FBF1: variants seen among roughly 807,000 people sequenced by gnomAD.
The protein encoded by FBF1 is Fas binding factor 1.
FBF1 carries 119 observed loss-of-function variants against 147.2 expected under a neutral mutation model. The observed-to-expected ratio is 0.81, with a 90% CI of 0.70 to 0.94. FBF1 has a LOEUF of 0.94. FBF1 is among the 40% of genes least tolerant of loss of function. The pLI is 0.00. For synonymous variants in FBF1, 601 were observed against 609.0 expected, an observed-to-expected ratio of 0.99 and a Z score of 0.19; for missense variants, 1,449 against 1,500.8, an observed-to-expected ratio of 0.97 and a Z score of 0.57.
chr17:75,910,432 A>C lies in FBF1; in HGVS notation c.*291T>G, dbSNP rs185394184. 999 of 422,906 alleles carry C rather than the reference A, an allele frequency of 2.4e-3. 2 individuals carry two copies. The highest frequency in any genetic ancestry group is 5.4e-3 in the Middle Eastern group (8 of 1,474). 26.2% of individuals were successfully genotyped at this position (422,906 alleles called of 1,614,324 possible). The stretch of plus-strand genomic sequence containing the variant: ...GGGGGAGCCCACAGAGCCCAGTGAG[A>C]GCTGGGGGTCCTTGCTGCCAACTCA... On this transcript the variant is annotated 3_prime_UTR_variant, in exon 30 of 30. Transcript: ENST00000636174. This position sits in a 1 kb window ranked among gnomAD's most constrained non-coding sequence, Gnocchi z 4.1.
chr17:75,931,145 T>C, intron 6 of FBF1, 84 bp downstream of exon 6: 1 of 1,429,618 alleles, frequency 7.0e-7, no homozygotes, highest in Non-Finnish European at 9.6e-7. Context: ...TCTAAACCCT[T>C]CCGTGGGCAG....
At position 75,935,680 on chromosome 17, in the gene FBF1, C is replaced by A. The variant is rs180740491; in HGVS notation, c.32-7G>T. On this transcript the variant is annotated splice_region_variant and splice_polypyrimidine_tract_variant and intron_variant, in intron 3 of 29. Coordinates refer to ENST00000636174, the MANE Select transcript of FBF1 (RefSeq NM_001319193.2). ...AGAAAATCATCAATGGAGCCTGGAA[C>A]AGAAAAGGGACTGTCATGACTTCAG... 18 of 1,536,900 alleles carry A rather than the reference C, an allele frequency of 1.2e-5. No individual in the cohort carries two copies. Among genetic ancestry groups the A allele is most frequent in the Non-Finnish European group, 1.6e-5 (18 of 1,146,784 alleles).
At position 75,911,675 on chromosome 17, in the gene FBF1, C is replaced by T. The variant is rs566218078; in HGVS notation, c.3363+517G>A. Among the ~76,000 whole-genome samples the T allele has an allele frequency of 5.9e-5, 9 of 152,162 alleles. No individual in the cohort carries two copies. The South Asian group carries it at 1.0e-3, about 18-fold the overall frequency. ...CTGGGAGTACAGGTGTATGCCACCA[C>T]GCTCAGCTATTTTTTTGTGGAGACG... On this transcript the variant is annotated intron_variant, in intron 29 of 29. Transcript: ENST00000636174.
chr17:75,910,585 C>A lies in FBF1; in HGVS notation c.*138G>T. ...CACATTTGGAAAGGATGCACTTGCA[C>A]CCTGTCCACGGAAGAGCTGTCATCA... On this transcript the variant is annotated 3_prime_UTR_variant, in exon 30 of 30. Coordinates refer to ENST00000636174, the MANE Select transcript of FBF1 (RefSeq NM_001319193.2). This position sits in a 1 kb window ranked among gnomAD's most constrained non-coding sequence, Gnocchi z 4.1. 1 of 733,328 alleles carries A rather than the reference C, an allele frequency of 1.4e-6. No homozygotes were observed. Among genetic ancestry groups the A allele is most frequent in the South Asian group, 1.8e-5 (1 of 56,002 alleles). 45.4% of individuals were successfully genotyped at this position (733,328 alleles called of 1,614,324 possible).
rs1243784442 is a variant in FBF1 at position 75,918,029 on chromosome 17, C to T, written c.2288G>A (p.Ser763Asn). ...GCGGGAGGACAACTCGTGCAGGCTG[C>T]TGGAGAACTTCTCCATCTGGTGGAT... is the stretch of plus-strand genomic sequence containing the variant. ...SIIHQMEKFS[S>N]SLHELSSRVE... Residue 763 changes from serine (S) to asparagine (N), a missense_variant, in exon 22 of 30, where the codon AGC becomes AAC. Ser to Asn is a conservative substitution (Grantham distance 46). Transcript: ENST00000636174. This position sits in a 1 kb window ranked among gnomAD's most constrained non-coding sequence, Gnocchi z 5.8. 6.2e-7 allele frequency: 1 copy of T among 1,612,238 alleles called. No individual in the cohort carries two copies. The highest frequency in any genetic ancestry group is 1.1e-5 in the South Asian group (1 of 90,840).
Position 75,918,578 on chromosome 17 carries a change from AC to A in FBF1, c.2139-310del, listed in dbSNP as rs2065503798. The stretch of plus-strand genomic sequence containing the variant: ...AGTGGCATGATCTCGGCTCACTGCA[AC>A]CTCTGCCTCCTGGGTTCAAGCAATT... On this transcript the variant is annotated intron_variant, in intron 20 of 29. Coordinates refer to ENST00000636174, the MANE Select transcript of FBF1 (RefSeq NM_001319193.2). The surrounding 1 kb of genome is among the most constrained non-coding windows in gnomAD (Gnocchi z 5.8). Among the ~76,000 whole-genome samples the A allele has an allele frequency of 6.6e-6, 1 of 151,348 alleles. No homozygotes were observed. The highest frequency in any genetic ancestry group is 2.4e-5 in the African/African-American group (1 of 41,134).
chr17:75,933,580 T>C (rs995310637), intron 4 of FBF1, among the ~76,000 whole-genome samples: 2 of 152,106 alleles, frequency 1.3e-5, no homozygotes, highest in African/African-American at 4.8e-5. Flanking sequence ...TCTGGGGCCA[T>C]GTAGGGGAAA....
At position 75,915,158 on chromosome 17, in the gene FBF1, G is replaced by C; in HGVS notation, c.2506-19C>G. 5 of 1,602,550 alleles carry C rather than the reference G, an allele frequency of 3.1e-6. No individual in the cohort carries two copies. Among genetic ancestry groups the C allele is most frequent in the Non-Finnish European group, 4.2e-6 (5 of 1,178,004 alleles). On this transcript the variant is annotated intron_variant, in intron 23 of 29. Transcript: ENST00000636174. The stretch of plus-strand genomic sequence containing the variant: ...AGCGTTCCTGTAGGGCCCAGGGCAG[G>C]ACTGAGAGCGTGGTTCCCGCCCTGA...
In FBF1 at chr17:75,921,969, G is replaced by C; in HGVS notation, c.1502C>G (p.Pro501Arg). Residue 501 changes from proline (P) to arginine (R), a missense_variant, in exon 15 of 30, where the codon CCG (proline) becomes CGG (arginine). Transcript: ENST00000636174. Reference sequence around the variant, plus strand: ...CCCCGAGACACCAGGCCTGACACACGGTCTTTCTCGTGCAGTTGTTCCAGA... The same window carrying C: ...CCCCGAGACACCAGGCCTGACACACCGTCTTTCTCGTGCAGTTGTTCCAGA... ...GSSGTTARER[P>R]CVRPGVSGSP... 4.5e-6 allele frequency: 7 copies of C among 1,551,338 alleles called. No individual in the cohort carries two copies. The highest frequency in any genetic ancestry group is 6.1e-6 in the Non-Finnish European group (7 of 1,146,952).
At chr17:75,931,401 A>G in intron 5 of FBF1, 112 bp from the exon 6 acceptor site, 2 of 887,566 alleles carry the variant, frequency 2.3e-6, no homozygotes, top group Non-Finnish European at 3.5e-6. Context: ...CTCTCCGGAG[A>G]ACAGAGGTGC....
In FBF1 at chr17:75,914,236, C is replaced by T. The variant is rs758149843; in HGVS notation, c.2877G>A (p.Ala959=). 8.8e-6 allele frequency: 14 copies of T among 1,593,346 alleles called. No individual in the cohort carries two copies. The East Asian group carries it at 1.8e-4, about 21-fold the overall frequency. ...ELRAEEKQLA[A]ERAALEQERQ... ...GCTCCTGCTCCAGGGCTGCTCTCTCCGCTGCCAGCTGCTTCTCCTCGGCCC... is the reference window on the plus strand; with the variant it reads ...GCTCCTGCTCCAGGGCTGCTCTCTCTGCTGCCAGCTGCTTCTCCTCGGCCC... Residue 959 remains alanine, a synonymous_variant, in exon 26 of 30, where the codon GCG becomes GCA. Coordinates refer to ENST00000636174, the MANE Select transcript of FBF1 (RefSeq NM_001319193.2).
At position 75,919,526 on chromosome 17, in the gene FBF1, G is replaced by A; in HGVS notation, c.2138+142C>T. 4.3e-6 allele frequency: 4 copies of A among 934,098 alleles called. No individual in the cohort carries two copies. Among genetic ancestry groups the A allele is most frequent in the South Asian group, 1.6e-5 (1 of 61,146 alleles). The allele number at this position is 934,098 out of a possible 1,614,324, so 57.9% of individuals were successfully genotyped here. A position where few individuals can be genotyped will look rare whatever the true frequency, so the allele number is the denominator to read the frequency against. ...GATGGGTCAGTGTGCTCAGCCCTCA[G>A]TCCTCACTCACTGGACTGGGAGGGA... On this transcript the variant is annotated intron_variant, in intron 20 of 29. Coordinates refer to ENST00000636174, the MANE Select transcript of FBF1 (RefSeq NM_001319193.2). This position sits in a 1 kb window ranked among gnomAD's most constrained non-coding sequence, Gnocchi z 5.0.
In FBF1 at chr17:75,914,775, C is replaced by A; in HGVS notation, c.2786G>T (p.Arg929Leu). ...AERALQVDTQ[R>L]EGTLISLAKE... ...GGCCAGGCTGATGAGGGTGCCCTCC[C>A]GCTGGGTGTCCACCTGCAATGCCCG... Residue 929 changes from arginine (R) to leucine (L), a missense_variant, in exon 25 of 30, where the codon CGG (arginine) becomes CTG (leucine). By Grantham distance (102) the Arg-to-Leu change is moderately radical (BLOSUM62 -2). Transcript: ENST00000636174. 6.3e-7 allele frequency: 1 copy of A among 1,588,182 alleles called. No individual in the cohort carries two copies. Among genetic ancestry groups the A allele is most frequent in the South Asian group, 1.1e-5 (1 of 87,670 alleles).
At position 75,927,634 on chromosome 17, in the gene FBF1, C is replaced by T. The variant is rs1281942226; in HGVS notation, c.398-102G>A. ...GCCCCTGGGATGGGGTGCACTTCTT[C>T]CTGGGAAGCTGGGGGCTCATGGCCA... On this transcript the variant is annotated intron_variant, in intron 8 of 29. Transcript: ENST00000636174. 8 of 1,001,534 alleles carry T rather than the reference C, an allele frequency of 8.0e-6. No individual in the cohort carries two copies. In the East Asian group the frequency reaches 2.1e-4, roughly 26 times the overall value. The allele number at this position is 1,001,534 out of a possible 1,614,324, so 62.0% of individuals were successfully genotyped here.
rs1227665464 is a variant in FBF1 at position 75,910,219 on chromosome 17, G to A, written c.*504C>T. On this transcript the variant is annotated 3_prime_UTR_variant, in exon 30 of 30. Transcript: ENST00000636174. This position sits in a 1 kb window ranked among gnomAD's most constrained non-coding sequence, Gnocchi z 4.1. ...CACACCACAAGGGAGGATCTAGCTGGTGCCCTCCCTGTACTGTCAGGAGGC... is the reference window on the plus strand; with the variant it reads ...CACACCACAAGGGAGGATCTAGCTGATGCCCTCCCTGTACTGTCAGGAGGC... 2 of 372,364 alleles carry A rather than the reference G, an allele frequency of 5.4e-6. No homozygotes were observed. The highest frequency in any genetic ancestry group is 5.2e-6 in the Non-Finnish European group (1 of 191,104). The allele number at this position is 372,364 out of a possible 1,614,324, so 23.1% of individuals were successfully genotyped here.
Position 75,910,137 on chromosome 17 carries a change from T to A in FBF1, c.*586A>T. The A allele has an allele frequency of 2.2e-6, 1 of 458,260 alleles. No individual in the cohort carries two copies. Among genetic ancestry groups the A allele is most frequent in the South Asian group, 1.8e-5 (1 of 56,678 alleles). 28.4% of individuals were successfully genotyped at this position (458,260 alleles called of 1,614,324 possible). A position where few individuals can be genotyped will look rare whatever the true frequency, so the allele number is the denominator to read the frequency against. On this transcript the variant is annotated 3_prime_UTR_variant, in exon 30 of 30. Coordinates refer to ENST00000636174, the MANE Select transcript of FBF1 (RefSeq NM_001319193.2). The surrounding 1 kb of genome is among the most constrained non-coding windows in gnomAD (Gnocchi z 4.1). The stretch of plus-strand genomic sequence containing the variant: ...CCTTCGGGCAATGCTGGGAATAGGG[T>A]GGGGGCTCTGGGCAAGCCCAGGAGG...
At chr17:75,914,561 G>A in intron 25 of FBF1, 186 bp downstream of exon 25, 1 of 814,354 alleles carries the variant, frequency 1.2e-6, no homozygotes, top group Non-Finnish European at 1.9e-6. Context: ...CAAATAAAAT[G>A]TGTATAATGC....
intron 8 of FBF1, 82 bp downstream of exon 8, chr17:75,927,994 G>GC (rs1314265069): frequency 7.8e-6 from 9 of 1,147,758 alleles, no homozygotes; most frequent in South Asian, 2.6e-5. Context: ...CTTCCTACTA[G>GC]CATCTTCCAC....
In FBF1 at chr17:75,909,916, C is replaced by T. The variant is rs886365886; in HGVS notation, c.*807G>A. ...GGGAGTGGAGGAGGATCAGAGAAAC[C>T]TCTGTAGTTGTGATTGGTTCCTTGT... On this transcript the variant is annotated 3_prime_UTR_variant, in exon 30 of 30. Transcript: ENST00000636174. 4 of 700,842 alleles carry T rather than the reference C, an allele frequency of 5.7e-6. No homozygotes were observed. The highest frequency in any genetic ancestry group is 1.0e-5 in the Non-Finnish European group (4 of 384,208). 43.4% of individuals were successfully genotyped at this position (700,842 alleles called of 1,614,324 possible). A position where few individuals can be genotyped will look rare whatever the true frequency, so the allele number is the denominator to read the frequency against.
Sources: gnomAD v4.1 joint callset for allele counts (sites outside exome capture counted in the v4.1 genomes callset) on GRCh38, gnomAD v4.1.1 for gene constraint, Gnocchi (gnomAD v3.1) non-coding constraint, MANE v1.5 for transcripts, NCBI Gene and HGNC (gene_info 2026-07-23, HGNC 2026-07-21) for gene names.